Variants in DAB1 observed in about 807,000 individuals in gnomAD.
DAB1 encodes the protein DAB adaptor protein 1.
In DAB1, 15 loss-of-function variants were observed where a neutral mutation model predicts 64.6. The observed-to-expected ratio is 0.23, with a 90% CI of 0.16 to 0.36. DAB1 has a LOEUF of 0.36. Ranked by LOEUF, DAB1 falls within the 10% of genes least tolerant of loss-of-function variation. The pLI is 1.00. For missense variants in DAB1, 596 were observed against 706.7 expected, an observed-to-expected ratio of 0.84 and a Z score of 1.78; for synonymous variants, 235 against 251.9, an observed-to-expected ratio of 0.93 and a Z score of 0.64.
At chr1:57,133,634 CAG>C (rs1269683137) in intron 4 of DAB1, among the ~76,000 whole-genome samples, 6 of 152,158 alleles carry the variant, frequency 3.9e-5, no homozygotes, top group Non-Finnish European at 7.4e-5. Flanking sequence ...AAATTCAAGA[CAG>C]GGTGTAAATT....
At chr1:58,451,535 T>A (rs908397917) in intron 3 of DAB1, among the ~76,000 whole-genome samples, 1 of 152,218 alleles carries the variant, frequency 6.6e-6, no homozygotes, top group Non-Finnish European at 1.5e-5. Flanking sequence ...TTTCTTAGTG[T>A]TGACAACATA....
At chr1:57,023,721 A>T (rs1207919435) in intron 10 of DAB1, 82 bp from the exon 11 acceptor site, 1 of 871,108 alleles carries the variant, frequency 1.1e-6, no homozygotes, top group Non-Finnish European at 1.9e-6. Context: ...TGCAGGAATT[A>T]AGGCGCAGGG....
chr1:58,436,457 G>T (rs963402527), intron 3 of DAB1, among the ~76,000 whole-genome samples: 4 of 152,180 alleles, frequency 2.6e-5, no homozygotes, highest in African/African-American at 9.7e-5. Context: ...ACAACCAGAA[G>T]TTCTGGTCAC....
chr1:57,121,870 T>G (rs867343217), intron 4 of DAB1, among the ~76,000 whole-genome samples: 10 of 151,902 alleles, frequency 6.6e-5, no homozygotes, highest in Non-Finnish European at 1.5e-5. Context: ...GTGTAACAGA[T>G]CCACATGTTC....
At chr1:57,246,129 G>T (rs1668853408) in intron 2 of DAB1, among the ~76,000 whole-genome samples, 1 of 152,214 alleles carries the variant, frequency 6.6e-6, no homozygotes, top group Admixed American at 6.5e-5. Context: ...GTAATGAGGA[G>T]CCAAGTATTA....
chr1:58,102,197 G>C (rs980845830), intron 5 of DAB1, among the ~76,000 whole-genome samples: 10 of 152,228 alleles, frequency 6.6e-5, no homozygotes, highest in Admixed American at 5.2e-4. Flanking sequence ...TGGGCTCCAA[G>C]GCCCTCGCTT....
chr1:58,229,895 A>G (rs1659695872), intron 4 of DAB1, among the ~76,000 whole-genome samples: 1 of 152,218 alleles, frequency 6.6e-6, no homozygotes, highest in African/African-American at 2.4e-5. Context: ...CATCTTCACA[A>G]GGGTCAGTAA....
At chr1:58,194,420 A>C (rs1420205109) in intron 4 of DAB1, among the ~76,000 whole-genome samples, 1 of 152,250 alleles carries the variant, frequency 6.6e-6, no homozygotes, top group Non-Finnish European at 1.5e-5. Flanking sequence ...TCTCATTCTC[A>C]TAAAAACAAG....
intron 1 of DAB1, chr1:58,527,381 C>T (rs376007181): frequency 5.7e-5 from 48 of 838,770 alleles, no homozygotes; most frequent in East Asian, 1.4e-4. Context: ...ATTTATTTCA[C>T]GAAAAAAGGA....
At chr1:57,227,763 G>T (rs1011614846) in intron 2 of DAB1, among the ~76,000 whole-genome samples, 42 of 151,984 alleles carry the variant, frequency 2.8e-4, no homozygotes, top group African/African-American at 1.0e-3. Context: ...TCACCATGTT[G>T]CCAGGCTGAT....
At chr1:57,621,662 G>T (rs1645861486) in intron 7 of DAB1, among the ~76,000 whole-genome samples, 1 of 152,120 alleles carries the variant, frequency 6.6e-6, no homozygotes, top group Non-Finnish European at 1.5e-5. Flanking sequence ...ACTAGCAGGT[G>T]CTCAGTAAAT....
chr1:57,422,875 G>T (rs1000727212), intron 1 of DAB1, among the ~76,000 whole-genome samples: 1 of 152,116 alleles, frequency 6.6e-6, no homozygotes, highest in Non-Finnish European at 1.5e-5. Context: ...ACAGAGAAAA[G>T]AAAAAGCGCC....
intron 1 of DAB1, among the ~76,000 whole-genome samples, chr1:57,313,538 A>G (rs981669936): frequency 2.0e-5 from 3 of 152,174 alleles, no homozygotes; most frequent in Admixed American, 1.3e-4. Flanking sequence ...AGGAAGGGGT[A>G]AGTTGGCCCC....
At chr1:57,141,672 C>T (rs1658600289) in intron 3 of DAB1, among the ~76,000 whole-genome samples, 1 of 152,098 alleles carries the variant, frequency 6.6e-6, no homozygotes, top group African/African-American at 2.4e-5. Flanking sequence ...TAAGGTTCTG[C>T]ACTTAGCTCT....
chr1:57,695,337 AAAGAAAGAAAGAAAGAAAAGAAAG>A (rs1646817432), intron 6 of DAB1, among the ~76,000 whole-genome samples: 1 of 122,942 alleles, frequency 8.1e-6, no homozygotes, highest in East Asian at 2.4e-4. Flanking sequence ...AGAAAGAAAG[AAAGAAAGAAAGAAAGAAAAGAAAG>A]AAGAAAGAAA....
At chr1:58,489,351 C>T (rs1557437827) in intron 3 of DAB1, among the ~76,000 whole-genome samples, 2 of 152,222 alleles carry the variant, frequency 1.3e-5, no homozygotes. Flanking sequence ...ATTACTAGCA[C>T]AGCAGTCTGA....
At chr1:57,212,046 A>C in intron 2 of DAB1, among the ~76,000 whole-genome samples, 1 of 152,186 alleles carries the variant, frequency 6.6e-6, no homozygotes, top group Non-Finnish European at 1.5e-5. Context: ...GCTACAATAG[A>C]CCTCTACACA....
chr1:57,998,190 A>G (rs1646455336), intron 5 of DAB1, among the ~76,000 whole-genome samples: 1 of 152,160 alleles, frequency 6.6e-6, no homozygotes, highest in Non-Finnish European at 1.5e-5. Context: ...AGGCCCTGGA[A>G]TAGTCTGGGT....
chr1:57,652,845 T>G (rs1646272781), intron 6 of DAB1, among the ~76,000 whole-genome samples: 1 of 152,202 alleles, frequency 6.6e-6, no homozygotes, highest in African/African-American at 2.4e-5. Context: ...GAGCCAAGAT[T>G]CAAACCCAGA....
Sources: allele counts gnomAD v4.1 joint callset (sites outside exome capture counted in the v4.1 genomes callset), GRCh38; gene constraint gnomAD v4.1.1; transcripts MANE v1.5; gene names NCBI Gene and HGNC (gene_info 2026-07-23, HGNC 2026-07-21).